SETX: variants seen among roughly 807,000 people sequenced by gnomAD.
SETX encodes the protein senataxin.
A neutral mutation model predicts 227.2 loss-of-function variants in SETX; 90 were observed. The observed-to-expected ratio is 0.40, with a 90% confidence interval of 0.33 to 0.47. The LOEUF (loss-of-function observed/expected upper bound fraction) is 0.47. SETX is among the 20% of genes least tolerant of loss of function. The pLI is 0.91. For missense variants in SETX, 3,052 were observed against 3,181.5 expected, an observed-to-expected ratio of 0.96 and a Z score of 0.98; for synonymous variants, 1,210 against 1,113.2, an observed-to-expected ratio of 1.09 and a Z score of -1.73.
chr9:132,324,273 A>G (rs567355138), intron 10 of SETX, among the ~76,000 whole-genome samples: 16 of 152,338 alleles, frequency 1.1e-4, no homozygotes, highest in African/African-American at 3.6e-4. Flanking sequence ...AAAATAATAA[A>G]GCAACTCTCA....
At chr9:132,325,152 T>A (rs375504048) in intron 10 of SETX, among the ~76,000 whole-genome samples, 1 of 151,842 alleles carries the variant, frequency 6.6e-6, no homozygotes, top group South Asian at 2.1e-4. Flanking sequence ...GTCAGGAGAT[T>A]GAGACCATCC....
At chr9:132,342,609 C>G in intron 5 of SETX, 81 bp downstream of exon 5, 1 of 1,054,762 alleles carries the variant, frequency 9.5e-7, no homozygotes, top group South Asian at 1.3e-5. Context: ...TAAACAAAAT[C>G]CACACCAAAA....
In SETX at chr9:132,327,373, T is replaced by A. The variant is rs373375060; in HGVS notation, c.4225A>T (p.Asn1409Tyr). 94 of 1,614,138 alleles carry A rather than the reference T, an allele frequency of 5.8e-5. 1 individual carries two copies. The highest frequency in any genetic ancestry group is 7.6e-5 in the Non-Finnish European group (90 of 1,180,048). Residue 1409 changes from asparagine to tyrosine, a missense_variant, in exon 10 of 26, where the codon AAC becomes TAC. Physicochemically the swap from Asn to Tyr is moderately radical, Grantham distance 143. Around this residue, in one of 10 missense-constraint regions of SETX, gnomAD observed 1,483 missense variants for 1,312.0 expected, o/e 1.13. Coordinates refer to ENST00000224140, the MANE Select transcript of SETX (RefSeq NM_015046.7). ...TGGTEVLANS[N>Y]RKQLIKCMPS... is the part of the protein sequence containing the mutation. Reference sequence around the variant, plus strand: ...ATGCATTTTATTAACTGTTTTCTGTTACTGTTGGCAAGTACCTCAGTTCCT... The same window carrying A: ...ATGCATTTTATTAACTGTTTTCTGTAACTGTTGGCAAGTACCTCAGTTCCT...
Position 132,261,830 on chromosome 9 carries a change from T to C in SETX, c.*2409A>G, listed in dbSNP as rs1842422814. Reference sequence around the variant, plus strand: ...TTAAGTAGCACATATTCATTTGAAATAACTAATATTGAAAGAAGACAGGGA... The same window carrying C: ...TTAAGTAGCACATATTCATTTGAAACAACTAATATTGAAAGAAGACAGGGA... On this transcript the variant is annotated 3_prime_UTR_variant, in exon 26 of 26. Transcript: ENST00000224140. The C allele has an allele frequency of 1.3e-5, 2 of 154,716 alleles. No individual in the cohort carries two copies. Among genetic ancestry groups the C allele is most frequent in the Non-Finnish European group, 2.9e-5 (2 of 68,206 alleles). 9.6% of individuals were successfully genotyped at this position (154,716 alleles called of 1,614,324 possible). A position where few individuals can be genotyped will look rare whatever the true frequency, so the allele number is the denominator to read the frequency against.
chr9:132,282,701 C>T (rs1431399764), intron 19 of SETX: 4 of 161,988 alleles, frequency 2.5e-5, no homozygotes, highest in Non-Finnish European at 5.5e-5. Context: ...GATGACAAGA[C>T]TCAAATTTCT....
chr9:132,302,445 A>G (rs1008897874), intron 11 of SETX, among the ~76,000 whole-genome samples: 9 of 151,038 alleles, frequency 6.0e-5, no homozygotes, highest in African/African-American at 2.0e-4. Context: ...GGATCACCTG[A>G]GGTCAGGCGT....
At chr9:132,269,275 A>G (rs1842786306) in intron 25 of SETX, 3 of 578,436 alleles carry the variant, frequency 5.2e-6, no homozygotes, top group Admixed American at 3.6e-5. Context: ...AGCTGGGCCA[A>G]TAACAGCCAC....
chr9:132,332,715 AG>A (rs1160744536), intron 7 of SETX, among the ~76,000 whole-genome samples: 1 of 152,174 alleles, frequency 6.6e-6, no homozygotes, highest in Non-Finnish European at 1.5e-5. Flanking sequence ...TGAGGTCAGG[AG>A]TTCAAGACCA....
intron 10 of SETX, among the ~76,000 whole-genome samples, chr9:132,323,337 A>AT (rs1388287592): frequency 6.6e-6 from 1 of 152,232 alleles, no homozygotes; most frequent in Middle Eastern, 3.2e-3. Flanking sequence ...ATAAACATAT[A>AT]AAACAATAAA....
chr9:132,335,118 T>C (rs75242062), intron 6 of SETX, among the ~76,000 whole-genome samples: 12,548 of 151,736 alleles, frequency 0.083, 570 homozygotes, highest in South Asian at 0.16. Flanking sequence ...AGGCCGGGCG[T>C]GGTGGCTCAC....
chr9:132,345,901 C>G (rs1368637798), intron 4 of SETX, among the ~76,000 whole-genome samples: 3 of 152,160 alleles, frequency 2.0e-5, no homozygotes. Flanking sequence ...CGCCTGTACT[C>G]CCAGCTACCC....
chr9:132,282,934 G>A (rs17148881), intron 19 of SETX: 34,126 of 360,008 alleles, frequency 0.095, 1,910 homozygotes, highest in South Asian at 0.15. Flanking sequence ...TGAACATACT[G>A]TGGCTCAAAG....
At position 132,275,343 on chromosome 9, in the gene SETX, C is replaced by T. The variant is rs752579489; in HGVS notation, c.7013G>A (p.Ser2338Asn). Residue 2338 changes from serine (S) to asparagine (N), a missense_variant, in exon 23 of 26, where the codon AGT becomes AAT. Transcript: ENST00000224140. ...AGTTATTATGCCAATGTTTCGAAAA[C>T]TAACATCCTTTCTTTTGTCTTTAAT... ...KLIKDKRKDV[S>N]FRNIGIITHY... The T allele has an allele frequency of 6.2e-7, 1 of 1,612,772 alleles. No homozygotes were observed. Among genetic ancestry groups the T allele is most frequent in the Admixed American group, 1.7e-5 (1 of 60,006 alleles).
intron 20 of SETX, among the ~76,000 whole-genome samples, chr9:132,280,117 G>A (rs566121304): frequency 2.0e-5 from 3 of 152,154 alleles, no homozygotes; most frequent in East Asian, 1.9e-4. Flanking sequence ...TGAAAAAGAC[G>A]AATAAACACA....
chr9:132,319,456 A>G (rs959152311), intron 10 of SETX, among the ~76,000 whole-genome samples: 65 of 152,210 alleles, frequency 4.3e-4, no homozygotes, highest in African/African-American at 1.5e-3. Context: ...CCTGCAGCTT[A>G]CAGCGCTGTA....
intron 10 of SETX, among the ~76,000 whole-genome samples, chr9:132,325,492 C>T (rs558288545): frequency 2.6e-5 from 4 of 152,358 alleles, no homozygotes; most frequent in Non-Finnish European, 4.4e-5. Flanking sequence ...AGGTCTCTTA[C>T]TTAAAAACAA....
At chr9:132,336,034 G>A (rs1410836358) in intron 6 of SETX, among the ~76,000 whole-genome samples, 1 of 152,170 alleles carries the variant, frequency 6.6e-6, no homozygotes, top group Non-Finnish European at 1.5e-5. Context: ...TTGATGTCAG[G>A]AGTTCAAGAC....
Position 132,352,213 on chromosome 9 carries a change from A to G in SETX, c.-8+1436T>C, listed in dbSNP as rs140496373. ...AATAGGTTCCTGACCTGACTCTGCT[A>G]AAGCATATGAAAATGCTGCCCATCC... On this transcript the variant is annotated intron_variant, in intron 2 of 25. Transcript: ENST00000224140. Among the ~76,000 whole-genome samples the G allele has an allele frequency of 4.8e-3, 734 of 152,304 alleles. 6 individuals are homozygous for G. Among genetic ancestry groups the G allele is most frequent in the Middle Eastern group, 0.01 (3 of 294 alleles).
upstream of SETX, among the ~76,000 whole-genome samples, chr9:132,355,597 T>G (rs552838590): frequency 3.9e-5 from 6 of 152,252 alleles, no homozygotes; most frequent in East Asian, 9.7e-4. Context: ...CCCACCACTT[T>G]GGGAGGCCCA....
Sources: allele counts gnomAD v4.1 joint callset (sites outside exome capture counted in the v4.1 genomes callset), GRCh38; gene constraint gnomAD v4.1.1; regional missense constraint gnomAD v4.1.1; transcripts MANE v1.5; gene names NCBI Gene and HGNC (gene_info 2026-07-23, HGNC 2026-07-21).